DAPP1: variants seen among roughly 807,000 people sequenced by gnomAD.
DAPP1 encodes the protein dual adapter for phosphotyrosine and 3-phosphotyrosine and 3-phosphoinositide.
In DAPP1, 20 loss-of-function variants were observed where a neutral mutation model predicts 41.5. The observed-to-expected ratio is 0.48, with a 90% confidence interval of 0.34 to 0.70. DAPP1 has a LOEUF of 0.70. Ranked by LOEUF, DAPP1 falls within the 30% of genes least tolerant of loss-of-function variation. DAPP1 has a pLI of 0.01. For synonymous variants in DAPP1, 113 were observed against 116.2 expected (o/e 0.97, Z 0.18); for missense variants, 233 against 333.4 (o/e 0.70, Z 2.35).
Position 99,861,338 on chromosome 4 carries a change from T to C in DAPP1, c.490-240T>C, listed in dbSNP as rs530261942. ...ACAGACTTTTATAAGTGAAATGATG[T>C]CGTTTATTGTTTGCAAATTGCTAAC... On this transcript the variant is annotated intron_variant, in intron 4 of 8. Coordinates refer to ENST00000512369, the MANE Select transcript of DAPP1 (RefSeq NM_014395.3). Among the ~76,000 whole-genome samples the C allele has an allele frequency of 2.6e-5, 4 of 152,286 alleles. 1 individual carries two copies. Among genetic ancestry groups the C allele is most frequent in the Middle Eastern group, 6.8e-3 (2 of 294 alleles).
chr4:99,857,262 A>G (rs888892518), intron 4 of DAPP1, among the ~76,000 whole-genome samples: 4 of 152,106 alleles, frequency 2.6e-5, no homozygotes, highest in African/African-American at 9.7e-5. Flanking sequence ...GAGTCATGGC[A>G]GAGAAGCCCT....
At chr4:99,859,107 G>C (rs577926176) in intron 4 of DAPP1, among the ~76,000 whole-genome samples, 1 of 152,002 alleles carries the variant, frequency 6.6e-6, no homozygotes, top group Non-Finnish European at 1.5e-5. Flanking sequence ...GTAGAGTCAA[G>C]GTTTCACCAT....
chr4:99,830,228 C>T (rs1344272721), intron 1 of DAPP1, among the ~76,000 whole-genome samples: 1 of 152,056 alleles, frequency 6.6e-6, no homozygotes, highest in African/African-American at 2.4e-5. Flanking sequence ...ACTAAAAATA[C>T]AAAAATTATG....
intron 3 of DAPP1, among the ~76,000 whole-genome samples, chr4:99,848,047 C>T (rs1400084190): frequency 1.3e-5 from 2 of 151,540 alleles, no homozygotes; most frequent in African/African-American, 4.9e-5. Flanking sequence ...CTCCTGACCT[C>T]ATGATCCGCC....
At chr4:99,871,058 G>A (rs377039734), downstream of DAPP1, among the ~76,000 whole-genome samples, 5 of 152,304 alleles carry the variant, frequency 3.3e-5, no homozygotes, top group South Asian at 2.1e-4. Flanking sequence ...CAGAGAACTC[G>A]GTGGGGCAGG....
intron 4 of DAPP1, among the ~76,000 whole-genome samples, chr4:99,856,225 C>T (rs894744736): frequency 6.6e-6 from 1 of 152,006 alleles, no homozygotes; most frequent in Non-Finnish European, 1.5e-5. Flanking sequence ...AGACAATAAT[C>T]AATGCAGTAA....
In DAPP1 at chr4:99,817,030, T is replaced by A. The variant is rs1281698292; in HGVS notation, c.101+16T>A. The A allele has an allele frequency of 6.3e-7, 1 of 1,577,668 alleles. No homozygotes were observed. The highest frequency in any genetic ancestry group is 8.6e-7 in the Non-Finnish European group (1 of 1,160,240). On this transcript the variant is annotated intron_variant, in intron 1 of 8. Coordinates refer to ENST00000512369, the MANE Select transcript of DAPP1 (RefSeq NM_014395.3). The stretch of plus-strand genomic sequence containing the variant: ...AGGACTTGGGGTAAGGCAGCAGATC[T>A]CCTTTCAAAGTACCTAGTGGGTGGA...
intron 1 of DAPP1, among the ~76,000 whole-genome samples, chr4:99,827,242 A>T (rs1166207888): frequency 6.6e-6 from 1 of 152,080 alleles, no homozygotes; most frequent in Non-Finnish European, 1.5e-5. Flanking sequence ...ATTGCACCTG[A>T]TTTTAAAACC....
In DAPP1 at chr4:99,861,633, A is replaced by C; in HGVS notation, c.537+8A>C. The C allele has an allele frequency of 6.4e-7, 1 of 1,569,958 alleles. No individual in the cohort carries two copies. Among genetic ancestry groups the C allele is most frequent in the Non-Finnish European group, 8.6e-7 (1 of 1,156,572 alleles). On this transcript the variant is annotated splice_region_variant and intron_variant, in intron 5 of 8. Coordinates refer to ENST00000512369, the MANE Select transcript of DAPP1 (RefSeq NM_014395.3). ...CAGGGAGGCCTGGTCAAGGTAAGGA[A>C]GTGTGGTTTTGCTCATGCCAGCCAC...
At chr4:99,865,971 T>TATATA (rs1724440468) in intron 7 of DAPP1, 63 bp from the exon 8 acceptor site, 1 of 72,858 alleles carries the variant, frequency 1.4e-5, no homozygotes, top group African/African-American at 1.4e-4. Context: ...ATATATTATA[T>TATATA]ATATATATAT....
At position 99,840,439 on chromosome 4, in the gene DAPP1, CACTTG is replaced by C; in HGVS notation, c.358+22_358+26del. The C allele has an allele frequency of 6.2e-7, 1 of 1,602,776 alleles. No individual in the cohort carries two copies. Among genetic ancestry groups the C allele is most frequent in the Non-Finnish European group, 8.5e-7 (1 of 1,176,058 alleles). On this transcript the variant is annotated intron_variant, in intron 3 of 8. Transcript: ENST00000512369. ...GCGAGACAGGTAAGCTATGAGCAGA[CACTTG>C]ACTTATGAAATAATGTTTCGGGATG...
intron 3 of DAPP1, among the ~76,000 whole-genome samples, chr4:99,841,291 T>C (rs1160447719): frequency 6.6e-6 from 1 of 152,200 alleles, no homozygotes; most frequent in Non-Finnish European, 1.5e-5. Context: ...GATGGCATCA[T>C]TGGCTTCTGT....
At chr4:99,818,724 T>C (rs1722673486) in intron 1 of DAPP1, among the ~76,000 whole-genome samples, 1 of 152,166 alleles carries the variant, frequency 6.6e-6, no homozygotes, top group Non-Finnish European at 1.5e-5. Flanking sequence ...CAGATTTCCC[T>C]ATTTCAGAAG....
chr4:99,843,466 C>A (rs1723562335), intron 3 of DAPP1, among the ~76,000 whole-genome samples: 1 of 152,164 alleles, frequency 6.6e-6, no homozygotes, highest in South Asian at 2.1e-4. Context: ...CAAGGATTTC[C>A]TAAGCAACAT....
intron 3 of DAPP1, among the ~76,000 whole-genome samples, chr4:99,842,431 G>A (rs768815264): frequency 2.6e-5 from 4 of 152,126 alleles, no homozygotes; most frequent in Non-Finnish European, 5.9e-5. Context: ...TCGGCCCCTC[G>A]TGCTGATGGA....
At chr4:99,833,560 G>C (rs1203438751) in intron 1 of DAPP1, among the ~76,000 whole-genome samples, 2 of 152,162 alleles carry the variant, frequency 1.3e-5, no homozygotes, top group African/African-American at 4.8e-5. Context: ...ATGACAACAA[G>C]ATCCCTTAAT....
intron 3 of DAPP1, among the ~76,000 whole-genome samples, chr4:99,847,322 C>T (rs1723698070): frequency 6.6e-6 from 1 of 152,186 alleles, no homozygotes. Flanking sequence ...ACTGTTCTTA[C>T]TCTCTTTCTG....
intron 1 of DAPP1, among the ~76,000 whole-genome samples, chr4:99,826,277 G>T (rs1453861222): frequency 6.6e-6 from 1 of 152,152 alleles, no homozygotes; most frequent in African/African-American, 2.4e-5. Flanking sequence ...GTTCAGAGGG[G>T]TGTCAGTGTC....
rs150250516 is a variant in DAPP1, at chr4:99,868,805, A to T, written c.*620A>T. On this transcript the variant is annotated 3_prime_UTR_variant, in exon 9 of 9. Coordinates refer to ENST00000512369, the MANE Select transcript of DAPP1 (RefSeq NM_014395.3). ...TTTGGCAGGTCCTTTGCTTCTAATG[A>T]CAAAACTGTGAGAGCTAGATGTCCT... 6.6e-6 allele frequency: 1 copy of T among 152,030 alleles called. No individual in the cohort carries two copies. Among genetic ancestry groups the T allele is most frequent in the Non-Finnish European group, 1.5e-5 (1 of 68,026 alleles). 9.4% of individuals were successfully genotyped at this position (152,030 alleles called of 1,614,324 possible). A position where few individuals can be genotyped will look rare whatever the true frequency, so the allele number is the denominator to read the frequency against.
Sources: allele counts gnomAD v4.1 joint callset (sites outside exome capture counted in the v4.1 genomes callset), GRCh38; gene constraint gnomAD v4.1.1; transcripts MANE v1.5; gene names NCBI Gene and HGNC (gene_info 2026-07-23, HGNC 2026-07-21).